MLF1: variants seen among roughly 807,000 people sequenced by gnomAD.
MLF1 encodes the protein myeloid leukemia factor 1, also known as myelodysplasia-myeloid leukemia factor 1.
In MLF1, 37 loss-of-function variants were observed where a neutral mutation model predicts 38.3. The observed-to-expected ratio is 0.96, with a 90% confidence interval of 0.74 to 1.27. The LOEUF (loss-of-function observed/expected upper bound fraction) is 1.27, where lower values mean the gene tolerates loss of function less well. MLF1 is among the 50% of genes most tolerant of loss of function. MLF1 has a pLI of 0.00. For synonymous variants in MLF1, 95 were observed against 106.5 expected (o/e 0.89, Z 0.66); for missense variants, 331 against 349.2 (o/e 0.95, Z 0.42).
At chr3:158,586,262 A>C (rs570236284) in intron 1 of MLF1, among the ~76,000 whole-genome samples, 9 of 152,178 alleles carry the variant, frequency 5.9e-5, no homozygotes, top group African/African-American at 1.9e-4. Context: ...ATTTTGATAC[A>C]TTAAAAAAAT....
chr3:158,598,041 T>C (rs1576682903), intron 4 of MLF1, 39 bp from the exon 5 acceptor site: 1 of 1,603,464 alleles, frequency 6.2e-7, no homozygotes. Flanking sequence ...TAATTATTTA[T>C]ATTTGACTCG....
intron 1 of MLF1, among the ~76,000 whole-genome samples, chr3:158,584,695 GTGTGTA>G (rs1413050560): frequency 1.6e-4 from 24 of 147,684 alleles, no homozygotes; most frequent in African/African-American, 5.8e-4. Context: ...GTGTGTGTGT[GTGTGTA>G]TACTTTTTTA....
intron 1 of MLF1, among the ~76,000 whole-genome samples, chr3:158,572,567 A>G: frequency 3.5e-5 from 3 of 86,398 alleles, no homozygotes; most frequent in African/African-American, 4.8e-5. Flanking sequence ...GAAGGGCTTG[A>G]GAGCATGATG....
chr3:158,572,115 T>C (rs1430640251), intron 1 of MLF1, among the ~76,000 whole-genome samples: 26 of 16,836 alleles, frequency 1.5e-3, no homozygotes, highest in East Asian at 3.6e-3. Flanking sequence ...GCATGAGGTG[T>C]GGGGGAGAGT....
rs930007288 is a variant in MLF1 at position 158,605,456 on chromosome 3, G to A, written c.*254G>A. The A allele has an allele frequency of 3.5e-6, 1 of 286,248 alleles. No homozygotes were observed. Among genetic ancestry groups the A allele is most frequent in the Non-Finnish European group, 6.5e-6 (1 of 153,882 alleles). The allele number at this position is 286,248 out of a possible 1,614,324, so 17.7% of individuals were successfully genotyped here. A position where few individuals can be genotyped will look rare whatever the true frequency, so the allele number is the denominator to read the frequency against. On this transcript the variant is annotated 3_prime_UTR_variant, in exon 8 of 8. Coordinates refer to ENST00000466246, the MANE Select transcript of MLF1 (RefSeq NM_001369783.1). ...CTTTAAAACATACTAATTTTTTAAA[G>A]CTTATATGCTTATTTCGCTTCCCCA...
At chr3:158,577,359 C>T (rs928011292) in intron 1 of MLF1, among the ~76,000 whole-genome samples, 7 of 152,156 alleles carry the variant, frequency 4.6e-5, no homozygotes, top group African/African-American at 9.7e-5. Flanking sequence ...CTTGTTTAGA[C>T]GTACAGTCTG....
At chr3:158,577,745 C>T (rs1483859526) in intron 1 of MLF1, among the ~76,000 whole-genome samples, 4 of 152,156 alleles carry the variant, frequency 2.6e-5, no homozygotes, top group South Asian at 4.1e-4. Flanking sequence ...CACAGCATGA[C>T]TAGGACATGG....
intron 1 of MLF1, among the ~76,000 whole-genome samples, chr3:158,584,719 AC>A (rs1301010756): frequency 2.8e-5 from 4 of 145,252 alleles, no homozygotes; most frequent in South Asian, 2.2e-4. Flanking sequence ...TTATGTATAT[AC>A]CCCCCCCTAC....
At chr3:158,602,744 C>T (rs562334528) in intron 6 of MLF1, 63 bp from the exon 7 acceptor site, 1 of 1,517,718 alleles carries the variant, frequency 6.6e-7, no homozygotes, top group South Asian at 1.2e-5. Context: ...TATGTGGGAG[C>T]AAGGCAGTTA....
intron 1 of MLF1, among the ~76,000 whole-genome samples, chr3:158,577,032 T>A (rs1715566768): frequency 6.6e-6 from 1 of 152,204 alleles, no homozygotes; most frequent in Non-Finnish European, 1.5e-5. Flanking sequence ...GCTCTCCATA[T>A]GAGCATCATA....
At chr3:158,602,725 A>G in intron 6 of MLF1, 82 bp from the exon 7 acceptor site, 1 of 1,400,480 alleles carries the variant, frequency 7.1e-7, no homozygotes, top group East Asian at 2.3e-5. Context: ...ACACCAGACT[A>G]GACTGAAATA....
At chr3:158,597,719 A>G (rs141148160) in intron 4 of MLF1, among the ~76,000 whole-genome samples, 1 of 152,284 alleles carries the variant, frequency 6.6e-6, no homozygotes, top group East Asian at 1.9e-4. Flanking sequence ...ACAAGGGTCA[A>G]CCACTGACTA....
intron 6 of MLF1, among the ~76,000 whole-genome samples, chr3:158,601,586 A>AAAAT (rs1218130543): frequency 6.7e-6 from 1 of 150,118 alleles, no homozygotes; most frequent in Non-Finnish European, 1.5e-5. Context: ...ATAAATAAAT[A>AAAAT]AAATAAATAA....
At chr3:158,589,176 A>ATTAT (rs967612897) in intron 1 of MLF1, among the ~76,000 whole-genome samples, 20 of 152,152 alleles carry the variant, frequency 1.3e-4, no homozygotes, top group Admixed American at 2.6e-4. Flanking sequence ...TTCCATAAAC[A>ATTAT]TTATTTATTT....
rs1408326816 is a variant in MLF1 at position 158,595,233 on chromosome 3, G to T, written c.241-1629G>T. Reference sequence around the variant, plus strand: ...GACCAGCGGTGGCCTTTCTCAGGTGGTGATACTTGAATCATGAGAAGGAAC... The same window carrying T: ...GACCAGCGGTGGCCTTTCTCAGGTGTTGATACTTGAATCATGAGAAGGAAC... On this transcript the variant is annotated intron_variant, in intron 3 of 7. Transcript: ENST00000466246. 2.0e-5 allele frequency among the ~76,000 whole-genome samples: 3 copies of T among 152,216 alleles called. No individual in the cohort carries two copies. The East Asian group carries it at 5.8e-4, about 29-fold the overall frequency.
rs2108666688 is a variant in MLF1 at position 158,605,095 on chromosome 3, AG to A, written c.748del. 1 of 1,606,950 alleles carries A rather than the reference AG, an allele frequency of 6.2e-7. No homozygotes were observed. On this transcript the variant is annotated splice_acceptor_variant, in intron 7 of 7. Transcript: ENST00000466246. LOFTEE classifies it high-confidence loss of function. ...ATTAATATTCACATGTATATTTCTC[AG>A]GGAGAAACCTCAACAAAGTCCAGCC...
intron 6 of MLF1, among the ~76,000 whole-genome samples, chr3:158,601,965 C>T (rs930810510): frequency 7.9e-5 from 12 of 151,518 alleles, no homozygotes; most frequent in Admixed American, 2.0e-4. Flanking sequence ...TACAGGTGCC[C>T]GCCACCATGC....
rs1431010699 is a variant in MLF1 at position 158,606,241 on chromosome 3, C to G, written c.*1039C>G. ...TTTGAAGTTTATAAGAATATAAAATCTTAACTCACATTTGTTGTTTAATAT... is the reference window on the plus strand; with the variant it reads ...TTTGAAGTTTATAAGAATATAAAATGTTAACTCACATTTGTTGTTTAATAT... On this transcript the variant is annotated 3_prime_UTR_variant, in exon 8 of 8. Coordinates refer to ENST00000466246, the MANE Select transcript of MLF1 (RefSeq NM_001369783.1). The G allele has an allele frequency of 5.7e-6, 1 of 176,422 alleles. No individual in the cohort carries two copies. Among genetic ancestry groups the G allele is most frequent in the Non-Finnish European group, 1.2e-5 (1 of 81,922 alleles). The allele number at this position is 176,422 out of a possible 1,614,324, so 10.9% of individuals were successfully genotyped here.
chr3:158,587,517 G>A (rs1378140351), intron 1 of MLF1, among the ~76,000 whole-genome samples: 5 of 152,074 alleles, frequency 3.3e-5, no homozygotes, highest in Non-Finnish European at 1.5e-5. Flanking sequence ...AACAATTAAG[G>A]AGTTTATCAG....
Sources: allele counts gnomAD v4.1 joint callset (sites outside exome capture counted in the v4.1 genomes callset), GRCh38; gene constraint gnomAD v4.1.1; transcripts MANE v1.5; gene names NCBI Gene and HGNC (gene_info 2026-07-23, HGNC 2026-07-21).